FAM53B: variants seen among roughly 807,000 people sequenced by gnomAD.
The protein encoded by FAM53B is family with sequence similarity 53 member B.
A neutral mutation model predicts 32.7 loss-of-function variants in FAM53B; 12 were observed. The observed-to-expected ratio is 0.37, with a 90% confidence interval of 0.24 to 0.59. FAM53B has a LOEUF of 0.59. Ranked by LOEUF, FAM53B falls within the 20% of genes least tolerant of loss-of-function variation. The pLI, the probability that FAM53B is intolerant of heterozygous loss-of-function variation, is 0.72. For synonymous variants in FAM53B, 234 were observed against 228.7 expected (o/e 1.02, Z -0.21); for missense variants, 477 against 577.7 (o/e 0.83, Z 1.79).
intron 1 of FAM53B, among the ~76,000 whole-genome samples, chr10:124,743,730 A>G (rs536471050): frequency 1.3e-5 from 2 of 151,826 alleles, no homozygotes; most frequent in South Asian, 4.2e-4. Flanking sequence ...TTTCCGCCGC[A>G]GCCAGGCTTG....
intron 4 of FAM53B, among the ~76,000 whole-genome samples, chr10:124,662,113 G>A (rs1949634847): frequency 2.0e-5 from 3 of 152,200 alleles, no homozygotes. Context: ...GGCACCCAGA[G>A]CCCTGCCCAG....
intron 4 of FAM53B, among the ~76,000 whole-genome samples, chr10:124,624,469 C>T (rs2134033679): frequency 6.6e-6 from 1 of 152,346 alleles, no homozygotes; most frequent in South Asian, 2.1e-4. Flanking sequence ...CTGGGGGCCT[C>T]ATCTGGAAGA....
intron 4 of FAM53B, among the ~76,000 whole-genome samples, chr10:124,639,679 C>T (rs573742966): frequency 1.2e-3 from 184 of 152,274 alleles, no homozygotes; most frequent in African/African-American, 4.1e-3. Flanking sequence ...GGCTTTTCCC[C>T]CCCTTTCTAT....
At chr10:124,666,703 G>C (rs911605701) in intron 4 of FAM53B, among the ~76,000 whole-genome samples, 1 of 152,216 alleles carries the variant, frequency 6.6e-6, no homozygotes, top group South Asian at 2.1e-4. Context: ...AGGGCTGCAC[G>C]GGTACAGTAG....
At chr10:124,685,945 A>G (rs2134070804) in intron 3 of FAM53B, among the ~76,000 whole-genome samples, 1 of 152,294 alleles carries the variant, frequency 6.6e-6, no homozygotes, top group African/African-American at 2.4e-5. Flanking sequence ...AAAGAAGACA[A>G]GCATTTCAGA....
intron 4 of FAM53B, among the ~76,000 whole-genome samples, chr10:124,640,495 C>T (rs1377491338): frequency 6.6e-6 from 1 of 152,214 alleles, no homozygotes; most frequent in African/African-American, 2.4e-5. Context: ...AGAAAACCAA[C>T]CCAAAGGTGG....
chr10:124,676,647 C>T (rs926675837), intron 4 of FAM53B, among the ~76,000 whole-genome samples: 1 of 152,164 alleles, frequency 6.6e-6, no homozygotes, highest in African/African-American at 2.4e-5. Context: ...GAGGACCTGT[C>T]CAGCAAAGAG....
intron 4 of FAM53B, among the ~76,000 whole-genome samples, chr10:124,666,239 G>A (rs1370673725): frequency 5.3e-5 from 8 of 152,238 alleles, no homozygotes; most frequent in Admixed American, 5.2e-4. Context: ...AATTTTCCAG[G>A]AAAACTATGG....
Position 124,623,299 on chromosome 10 carries a change from C to T in FAM53B, c.1212G>A (p.Gly404=). Reference sequence around the variant, plus strand: ...CGCCGTCCAGGGAGCAGAGGCTGTTCCCAGGGGCCCCGCGGTCCCGCCAGG... The same window carrying T: ...CGCCGTCCAGGGAGCAGAGGCTGTTTCCAGGGGCCCCGCGGTCCCGCCAGG... ...AAAWRDRGAP[G]NSLCSLDGEL... is the part of the protein sequence containing the mutation. The change falls in exon 5 of 5, where the codon GGG becomes GGA. Residue 404 remains glycine, a synonymous_variant. Coordinates refer to ENST00000337318, the MANE Select transcript of FAM53B (RefSeq NM_014661.4). 1 of 1,612,306 alleles carries T rather than the reference C, an allele frequency of 6.2e-7. No homozygotes were observed. The highest frequency in any genetic ancestry group is 8.5e-7 in the Non-Finnish European group (1 of 1,179,674).
intron 3 of FAM53B, among the ~76,000 whole-genome samples, chr10:124,683,306 C>G (rs1052954182): frequency 6.6e-6 from 1 of 152,134 alleles, no homozygotes; most frequent in African/African-American, 2.4e-5. Flanking sequence ...TGACATAGTT[C>G]TTGTATTCAA....
rs1468883765 is a variant in FAM53B, at chr10:124,733,116, A to C, written c.-175+10897T>G. On this transcript the variant is annotated intron_variant, in intron 1 of 4. Transcript: ENST00000337318. This position sits in a 1 kb window ranked among gnomAD's most constrained non-coding sequence, Gnocchi z 4.3. ...TTAAAATCAAAACCATCTGTGGCTA[A>C]CTTACTCACTTTCTTCTTCCCTTAG... 6.6e-6 allele frequency among the ~76,000 whole-genome samples: 1 copy of C among 152,236 alleles called. No homozygotes were observed. Among genetic ancestry groups the C allele is most frequent in the Admixed American group, 6.5e-5 (1 of 15,284 alleles).
chr10:124,735,630 G>A (rs1950168919), intron 1 of FAM53B, among the ~76,000 whole-genome samples: 1 of 152,220 alleles, frequency 6.6e-6, no homozygotes, highest in African/African-American at 2.4e-5. Flanking sequence ...CCTCCTCAGG[G>A]CAACCTGCCT....
chr10:124,703,260 G>A (rs932605458), intron 2 of FAM53B, among the ~76,000 whole-genome samples: 1 of 152,168 alleles, frequency 6.6e-6, no homozygotes, highest in Non-Finnish European at 1.5e-5. Flanking sequence ...ATATTAGCCA[G>A]GATGGTCTTG....
rs1949778664 is a variant in FAM53B, at chr10:124,682,298, G to T, written c.215C>A (p.Pro72His). 6.2e-7 allele frequency: 1 copy of T among 1,614,014 alleles called. No homozygotes were observed. The highest frequency in any genetic ancestry group is 1.3e-5 in the African/African-American group (1 of 75,024). ...GTGCCATAGTGAGCTGTCCTTTTCA[G>T]GCAGGCATTCCCAGATGCTGGTGCT... The part of the protein sequence containing the change: ...QPSTSIWECL[P>H]EKDSSLWHRE... Residue 72 changes from proline (P) to histidine (H), a missense_variant, in exon 4 of 5, where the codon CCT (proline) becomes CAT (histidine). Physicochemically the swap from Pro to His is moderately conservative, Grantham distance 77 (BLOSUM62 -2). This residue lies in a region of FAM53B where 312 missense variants were observed against 420.2 expected (regional missense o/e 0.74). Coordinates refer to ENST00000337318, the MANE Select transcript of FAM53B (RefSeq NM_014661.4). This position sits in a 1 kb window ranked among gnomAD's most constrained non-coding sequence, Gnocchi z 5.2.
intron 4 of FAM53B, among the ~76,000 whole-genome samples, chr10:124,671,950 T>C (rs762532342): frequency 2.0e-5 from 3 of 152,236 alleles, no homozygotes; most frequent in African/African-American, 2.4e-5. Context: ...AAAGGGTTTG[T>C]TCTTCGTGTG....
rs113738362 is a variant in FAM53B, at chr10:124,733,301, G to A, written c.-175+10712C>T. ...CCAGGTCACATGCCACACAGTCAACGGGGCCTGGAATCTGGGCTGGCATCT... is the reference window on the plus strand; with the variant it reads ...CCAGGTCACATGCCACACAGTCAACAGGGCCTGGAATCTGGGCTGGCATCT... On this transcript the variant is annotated intron_variant, in intron 1 of 4. Transcript: ENST00000337318. The surrounding 1 kb of genome is among the most constrained non-coding windows in gnomAD (Gnocchi z 4.3). Among the ~76,000 whole-genome samples the A allele has an allele frequency of 2.0e-5, 3 of 152,104 alleles. No individual in the cohort carries two copies. The highest frequency in any genetic ancestry group is 4.8e-5 in the African/African-American group (2 of 41,416).
At chr10:124,737,488 GC>G (rs1256828092) in intron 1 of FAM53B, among the ~76,000 whole-genome samples, 3 of 152,194 alleles carry the variant, frequency 2.0e-5, no homozygotes, top group African/African-American at 7.2e-5. Context: ...AGGCTGTCTT[GC>G]AAGCAGGAAT....
At chr10:124,634,423 C>G (rs1949413094) in intron 4 of FAM53B, among the ~76,000 whole-genome samples, 1 of 152,224 alleles carries the variant, frequency 6.6e-6, no homozygotes, top group Admixed American at 6.5e-5. Flanking sequence ...CCATAATCCC[C>G]ACGTTTCGTG....
intron 4 of FAM53B, among the ~76,000 whole-genome samples, chr10:124,667,768 A>C (rs1430848450): frequency 6.6e-6 from 1 of 152,220 alleles, no homozygotes; most frequent in African/African-American, 2.4e-5. Flanking sequence ...ATTTCATAAG[A>C]AGCAGAGACC....
Sources: allele counts gnomAD v4.1 joint callset (sites outside exome capture counted in the v4.1 genomes callset), GRCh38; gene constraint gnomAD v4.1.1; regional missense constraint gnomAD v4.1.1; non-coding constraint Gnocchi (gnomAD v3.1); transcripts MANE v1.5; gene names NCBI Gene and HGNC (gene_info 2026-07-23, HGNC 2026-07-21).